CACNB4: variants seen among roughly 807,000 people sequenced by gnomAD.
CACNB4 encodes calcium voltage-gated channel auxiliary subunit beta 4.
Under a neutral mutation model 71.2 loss-of-function variants are expected in CACNB4, and 32 were observed. That is an observed-to-expected ratio of 0.45 (90% CI 0.34 to 0.60). The LOEUF is 0.60. Ranked by LOEUF, CACNB4 falls within the 20% of genes least tolerant of loss-of-function variation. The pLI, the probability that CACNB4 is intolerant of heterozygous loss-of-function variation, is 0.01. For missense variants in CACNB4, 464 were observed against 647.9 expected, an observed-to-expected ratio of 0.72 and a Z score of 3.08; for synonymous variants, 231 against 236.9, an observed-to-expected ratio of 0.97 and a Z score of 0.23.
At chr2:151,941,203 T>G (rs911285055) in intron 2 of CACNB4, among the ~76,000 whole-genome samples, 2 of 152,164 alleles carry the variant, frequency 1.3e-5, no homozygotes, top group African/African-American at 2.4e-5. Context: ...TTTGAGCATC[T>G]TCTGTCCAGT....
At chr2:151,902,032 CTTTTTTTT>C (rs70974804) in intron 2 of CACNB4, among the ~76,000 whole-genome samples, 117 of 130,162 alleles carry the variant, frequency 9.0e-4, no homozygotes, top group Admixed American at 7.8e-4. Flanking sequence ...ACAACATCAC[CTTTTTTTT>C]TTTTTTTTTT....
intron 2 of CACNB4, among the ~76,000 whole-genome samples, chr2:151,991,569 A>G (rs1420778168): frequency 2.0e-5 from 3 of 152,208 alleles, no homozygotes; most frequent in Admixed American, 2.0e-4. Context: ...CATGCCAAAA[A>G]CTGAAAAATG....
chr2:152,032,249 A>G (rs1221901628), intron 2 of CACNB4, among the ~76,000 whole-genome samples: 1 of 152,148 alleles, frequency 6.6e-6, no homozygotes, highest in Non-Finnish European at 1.5e-5. Flanking sequence ...TGCTCCACGG[A>G]TAAGAAATTG....
chr2:151,857,019 G>C (rs1329437723), intron 10 of CACNB4: 1 of 152,252 alleles, frequency 6.6e-6, no homozygotes, highest in African/African-American at 2.4e-5. Context: ...GGCCTTAAAC[G>C]ACCCTAAAGA....
At chr2:152,005,505 C>T (rs1682671263) in intron 2 of CACNB4, among the ~76,000 whole-genome samples, 1 of 152,030 alleles carries the variant, frequency 6.6e-6, no homozygotes, top group South Asian at 2.1e-4. Flanking sequence ...GAACAAGAGA[C>T]AATGGAGACT....
intron 2 of CACNB4, among the ~76,000 whole-genome samples, chr2:151,976,809 G>A (rs548920362): frequency 2.6e-5 from 4 of 152,294 alleles, no homozygotes; most frequent in African/African-American, 9.6e-5. Context: ...GAAGTAGTGA[G>A]ACGTCCCTGG....
At chr2:151,921,175 A>ATT (rs2099858913) in intron 2 of CACNB4, among the ~76,000 whole-genome samples, 1 of 58,660 alleles carries the variant, frequency 1.7e-5, no homozygotes, top group African/African-American at 4.2e-5. Flanking sequence ...ATAAATAAAT[A>ATT]AATAAATAAG....
intron 2 of CACNB4, among the ~76,000 whole-genome samples, chr2:151,998,186 A>G (rs1443253977): frequency 6.6e-6 from 1 of 152,014 alleles, no homozygotes; most frequent in Non-Finnish European, 1.5e-5. Flanking sequence ...TTAGCTGGGC[A>G]TGGTGTTGCA....
At chr2:151,983,786 T>C (rs1301321379) in intron 2 of CACNB4, among the ~76,000 whole-genome samples, 3 of 152,002 alleles carry the variant, frequency 2.0e-5, no homozygotes, top group Non-Finnish European at 4.4e-5. Flanking sequence ...TTAAGATAGA[T>C]TGAAAAATTT....
At chr2:152,057,570 A>C (rs1685788582) in intron 2 of CACNB4, among the ~76,000 whole-genome samples, 1 of 152,208 alleles carries the variant, frequency 6.6e-6, no homozygotes, top group Admixed American at 6.5e-5. Context: ...CCGGACATTT[A>C]GTCTGTAAGA....
chr2:152,078,358 CA>C (rs1687157055), intron 2 of CACNB4, among the ~76,000 whole-genome samples: 1 of 152,148 alleles, frequency 6.6e-6, no homozygotes, highest in Admixed American at 6.6e-5. Context: ...TGTCGACTAC[CA>C]AAGACAACAT....
At chr2:151,929,830 T>TA (rs1267373357) in intron 2 of CACNB4, among the ~76,000 whole-genome samples, 7 of 152,052 alleles carry the variant, frequency 4.6e-5, no homozygotes, top group African/African-American at 1.7e-4. Context: ...CCAGGCTCTA[T>TA]ATGAAGAAAA....
intron 2 of CACNB4, among the ~76,000 whole-genome samples, chr2:151,946,487 G>A (rs2099865653): frequency 6.6e-6 from 1 of 152,134 alleles, no homozygotes; most frequent in South Asian, 2.1e-4. Context: ...CTCCACTAAA[G>A]GTTGTTACTG....
intron 2 of CACNB4, among the ~76,000 whole-genome samples, chr2:151,907,321 C>A (rs779919748): frequency 6.6e-6 from 1 of 152,028 alleles, no homozygotes; most frequent in East Asian, 1.9e-4. Context: ...CCTTAATATA[C>A]TAACCAGTAA....
intron 2 of CACNB4, among the ~76,000 whole-genome samples, chr2:151,987,198 T>C (rs1412911411): frequency 1.3e-5 from 2 of 152,352 alleles, no homozygotes; most frequent in African/African-American, 2.4e-5. Context: ...ATATGAGCAC[T>C]ACTACACCAA....
chr2:151,933,806 G>T (rs570133672), intron 2 of CACNB4, among the ~76,000 whole-genome samples: 8 of 152,190 alleles, frequency 5.3e-5, no homozygotes, highest in African/African-American at 1.9e-4. Context: ...AACTATTGAA[G>T]CAATTTTTTA....
chr2:151,983,598 T>TA (rs939787163), intron 2 of CACNB4, among the ~76,000 whole-genome samples: 8 of 150,876 alleles, frequency 5.3e-5, no homozygotes, highest in Admixed American at 3.3e-4. Flanking sequence ...GAGGAGAATG[T>TA]AAAAAAAATC....
At chr2:151,920,319 T>TTC (rs1491517816) in intron 2 of CACNB4, among the ~76,000 whole-genome samples, 3 of 5,190 alleles carry the variant, frequency 5.8e-4, no homozygotes, top group Non-Finnish European at 1.6e-3. Context: ...CTTCTTCTTC[T>TTC]TTTTTTTTTT....
chr2:152,016,520 G>A (rs549125162), intron 2 of CACNB4, among the ~76,000 whole-genome samples: 4 of 152,154 alleles, frequency 2.6e-5, no homozygotes, highest in Non-Finnish European at 4.4e-5. Context: ...GAGTCTCATC[G>A]TTTGAGGCTA....
Sources: allele counts gnomAD v4.1 joint callset (sites outside exome capture counted in the v4.1 genomes callset), GRCh38; gene constraint gnomAD v4.1.1; transcripts MANE v1.5; gene names NCBI Gene and HGNC (gene_info 2026-07-23, HGNC 2026-07-21).